LIMCH1: variants seen among roughly 807,000 people sequenced by gnomAD.
The protein encoded by LIMCH1 is LIM and calponin homology domains-containing protein 1.
In LIMCH1, 113 loss-of-function variants were observed where a neutral mutation model predicts 176.5. That is an observed-to-expected ratio of 0.64 (90% CI 0.55 to 0.75). The LOEUF is 0.75. Ranked by LOEUF, LIMCH1 falls within the 30% of genes least tolerant of loss-of-function variation. LIMCH1 has a pLI of 0.00. For missense variants in LIMCH1, 1,674 were observed against 1,814.9 expected, an observed-to-expected ratio of 0.92 and a Z score of 1.41; for synonymous variants, 619 against 645.9, an observed-to-expected ratio of 0.96 and a Z score of 0.63.
At chr4:41,451,534 C>T (rs1211662205) in intron 1 of LIMCH1, among the ~76,000 whole-genome samples, 1 of 152,178 alleles carries the variant, frequency 6.6e-6, no homozygotes, top group African/African-American at 2.4e-5. Flanking sequence ...AGAGTCTTTC[C>T]CACCCCCGGG....
intron 1 of LIMCH1, among the ~76,000 whole-genome samples, chr4:41,450,137 A>G (rs2063711642): frequency 6.6e-6 from 1 of 152,210 alleles, no homozygotes; most frequent in Admixed American, 6.5e-5. Context: ...GTGGCGCACA[A>G]TTCAGTCCAT....
intron 13 of LIMCH1, among the ~76,000 whole-genome samples, chr4:41,638,105 G>A (rs6833770): frequency 2.1e-4 from 14 of 67,852 alleles, no homozygotes; most frequent in African/African-American, 9.2e-4. Flanking sequence ...GTGTTGTTTT[G>A]TTGTTGTTGT....
chr4:41,399,889 G>T (rs565530182), intron 1 of LIMCH1, among the ~76,000 whole-genome samples: 2 of 133,878 alleles, frequency 1.5e-5, no homozygotes, highest in East Asian at 4.2e-4. Flanking sequence ...TCACCATGTT[G>T]GCCAGGATGG....
chr4:41,568,057 G>A (rs1204445198), intron 1 of LIMCH1, among the ~76,000 whole-genome samples: 1 of 152,170 alleles, frequency 6.6e-6, no homozygotes, highest in East Asian at 1.9e-4. Context: ...GGAGCCTGAG[G>A]CAGGAGAATC....
chr4:41,469,254 G>T (rs776733247), intron 1 of LIMCH1, among the ~76,000 whole-genome samples: 21 of 152,316 alleles, frequency 1.4e-4, no homozygotes, highest in Admixed American at 6.5e-5. Flanking sequence ...CTCTTCTGTT[G>T]ATCTTGCTCC....
chr4:41,587,592 AGCT>A (rs1386041659), intron 1 of LIMCH1, among the ~76,000 whole-genome samples: 1 of 152,192 alleles, frequency 6.6e-6, no homozygotes, highest in Admixed American at 6.5e-5. Flanking sequence ...CTTGGTTTAC[AGCT>A]GTTTCAGTGG....
intron 1 of LIMCH1, among the ~76,000 whole-genome samples, chr4:41,361,894 G>A (rs576150078): frequency 6.6e-6 from 1 of 152,268 alleles, no homozygotes; most frequent in East Asian, 1.9e-4. Flanking sequence ...TTAGTGGAAG[G>A]TATGAATTTG....
intron 1 of LIMCH1, among the ~76,000 whole-genome samples, chr4:41,593,011 G>A (rs767534011): frequency 1.3e-5 from 2 of 152,168 alleles, no homozygotes; most frequent in Admixed American, 6.5e-5. Context: ...TAAATATTTA[G>A]TGAGCACTTG....
intron 17 of LIMCH1, among the ~76,000 whole-genome samples, chr4:41,648,656 G>A (rs1158986325): frequency 1.1e-5 from 1 of 91,376 alleles, no homozygotes; most frequent in Non-Finnish European, 2.3e-5. Flanking sequence ...CTAAGGGGTA[G>A]GGGTGTGTGT....
chr4:41,479,968 T>C (rs1489248135), intron 1 of LIMCH1, among the ~76,000 whole-genome samples: 1 of 152,202 alleles, frequency 6.6e-6, no homozygotes, highest in Non-Finnish European at 1.5e-5. Flanking sequence ...TGGGCAGCTT[T>C]TCTGAACAAA....
chr4:41,681,441 A>G (rs2153046118), intron 25 of LIMCH1, among the ~76,000 whole-genome samples: 1 of 152,256 alleles, frequency 6.6e-6, no homozygotes, highest in African/African-American at 2.4e-5. Context: ...GCCATACTAT[A>G]CATTCTTTTC....
intron 4 of LIMCH1, 55 bp from the exon 5 acceptor site, chr4:41,613,411 C>T: frequency 6.7e-7 from 1 of 1,488,652 alleles, no homozygotes; most frequent in Non-Finnish European, 9.3e-7. Context: ...ACCCATCTTC[C>T]TGATAGTGTA....
At chr4:41,528,446 G>C (rs544385952) in intron 3 of LIMCH1, among the ~76,000 whole-genome samples, 1 of 152,224 alleles carries the variant, frequency 6.6e-6, no homozygotes, top group African/African-American at 2.4e-5. Context: ...AGATGGCAGA[G>C]ATCATCTTGT....
At chr4:41,402,832 G>C (rs1175355008) in intron 1 of LIMCH1, among the ~76,000 whole-genome samples, 4 of 127,116 alleles carry the variant, frequency 3.1e-5, no homozygotes, top group African/African-American at 8.8e-5. Flanking sequence ...GTTGTGGGGT[G>C]GGGGGAGGGG....
At chr4:41,551,144 A>T (rs2080353972) in intron 1 of LIMCH1, 1 of 152,198 alleles carries the variant, frequency 6.6e-6, no homozygotes, top group Admixed American at 6.5e-5. Flanking sequence ...CCCATTCAAG[A>T]TGAGAAGTAA....
In LIMCH1 at chr4:41,662,970, G is replaced by A. The variant is rs142223277; in HGVS notation, c.3277G>A (p.Val1093Met). The A allele has an allele frequency of 1.6e-5, 26 of 1,613,776 alleles. No individual in the cohort carries two copies. The highest frequency in any genetic ancestry group is 5.0e-5 in the Admixed American group (3 of 59,954). Reference sequence around the variant, plus strand: ...TGAAATGAGTGGAAAGGTGGAGTTGGTGCTGTCACAAAAGGTGAAGTGCAG... The same window carrying A: ...TGAAATGAGTGGAAAGGTGGAGTTGATGCTGTCACAAAAGGTGAAGTGCAG... ...ENEMSGKVEL[V>M]LSQKVVKPKS... The change falls in exon 20 of 32, where the codon GTG (valine) becomes ATG (methionine). Residue 1093 changes from valine to methionine, a missense_variant. This residue lies in a region of LIMCH1 where 1,015 missense variants were observed against 1,102.5 expected (regional missense o/e 0.92). Transcript: ENST00000503057.
intron 1 of LIMCH1, among the ~76,000 whole-genome samples, chr4:41,479,052 G>A (rs946466434): frequency 6.1e-4 from 93 of 152,168 alleles, no homozygotes; most frequent in African/African-American, 2.2e-3. Context: ...AGGGAGATTG[G>A]TTCAAAGAGA....
intron 1 of LIMCH1, among the ~76,000 whole-genome samples, chr4:41,423,263 T>C (rs1169459753): frequency 6.6e-6 from 1 of 152,200 alleles, no homozygotes; most frequent in Non-Finnish European, 1.5e-5. Flanking sequence ...TTCCAAGTAA[T>C]CTTTTCAGGG....
chr4:41,494,371 A>G (rs539266568), intron 1 of LIMCH1, among the ~76,000 whole-genome samples: 54 of 150,604 alleles, frequency 3.6e-4, no homozygotes, highest in Non-Finnish European at 6.8e-4. Flanking sequence ...ATACACATAC[A>G]TATATACACA....
Sources: allele counts gnomAD v4.1 joint callset (sites outside exome capture counted in the v4.1 genomes callset), GRCh38; gene constraint gnomAD v4.1.1; regional missense constraint gnomAD v4.1.1; transcripts MANE v1.5; gene names NCBI Gene and HGNC (gene_info 2026-07-23, HGNC 2026-07-21).